APPL2: variants seen among roughly 807,000 people sequenced by gnomAD.
The protein encoded by APPL2 is adaptor protein, phosphotyrosine interacting with PH domain and leucine zipper 2, also known as DCC-interacting protein 13-beta.
APPL2 carries 84 observed loss-of-function variants against 92.7 expected under a neutral mutation model. The observed-to-expected ratio is 0.91, with a 90% confidence interval of 0.76 to 1.09. APPL2 has a LOEUF of 1.09. Among genes scored for constraint, APPL2 ranks in the 50% least tolerant of loss-of-function variants. The pLI, the probability that APPL2 is intolerant of heterozygous loss-of-function variation, is 0.00. For missense variants in APPL2, 736 were observed against 824.5 expected (o/e 0.89, Z 1.31); for synonymous variants, 291 against 291.0 (o/e 1.00, Z 0.00).
rs188959783 is a variant in APPL2, at chr12:105,182,268, A to G, written c.1635-5006T>C. ...GGTCTCAAACTCCTGACCTCAGGTGATCCACCTGCCTTGGCCTCCCAAAGT... is the reference window on the plus strand; with the variant it reads ...GGTCTCAAACTCCTGACCTCAGGTGGTCCACCTGCCTTGGCCTCCCAAAGT... On this transcript the variant is annotated intron_variant, in intron 17 of 20. Coordinates refer to ENST00000258530, the MANE Select transcript of APPL2 (RefSeq NM_018171.5). Among the ~76,000 whole-genome samples the G allele has an allele frequency of 5.2e-3, 799 of 152,312 alleles. 4 individuals are homozygous for G. The highest frequency in any genetic ancestry group is 0.018 in the African/African-American group (738 of 41,568).
chr12:105,190,217 T>C (rs1395641359), intron 14 of APPL2, 62 bp from the exon 15 acceptor site: 3 of 1,536,352 alleles, frequency 2.0e-6, no homozygotes, highest in Non-Finnish European at 2.6e-6. Flanking sequence ...GAATACTTGT[T>C]GAAGGCTGAG....
rs1230434942 is a variant in APPL2 at position 105,189,769 on chromosome 12, T to C, written c.1459+3A>G. 6.2e-7 allele frequency: 1 copy of C among 1,614,068 alleles called. No individual in the cohort carries two copies. ...GAATAAGGACACCAAACTAGTCACT[T>C]ACCTTCTGCTTCTGGAAATGATTCA... is the stretch of plus-strand genomic sequence containing the variant. On this transcript the variant is annotated splice_donor_region_variant and intron_variant, in intron 16 of 20. Coordinates refer to ENST00000258530, the MANE Select transcript of APPL2 (RefSeq NM_018171.5).
intron 17 of APPL2, among the ~76,000 whole-genome samples, chr12:105,177,949 C>T (rs1204472779): frequency 6.6e-6 from 1 of 152,082 alleles, no homozygotes; most frequent in African/African-American, 2.4e-5. Flanking sequence ...AGCCAAAATG[C>T]CTGGCTAATT....
intron 8 of APPL2, among the ~76,000 whole-genome samples, chr12:105,204,522 C>T (rs1341363901): frequency 6.6e-6 from 1 of 152,176 alleles, no homozygotes; most frequent in African/African-American, 2.4e-5. Context: ...GTCATCCTAA[C>T]ACAGGTGATA....
chr12:105,173,685 A>C lies in APPL2; in HGVS notation c.*629T>G, dbSNP rs1033935513. 1 of 152,604 alleles carries C rather than the reference A, an allele frequency of 6.6e-6. No individual in the cohort carries two copies. The allele number at this position is 152,604 out of a possible 1,614,324, so 9.5% of individuals were successfully genotyped here. A position where few individuals can be genotyped will look rare whatever the true frequency, so the allele number is the denominator to read the frequency against. ...TCAGTAAGGCTCCACTGTAAAATCA[A>C]ACATCTTTTGTGGTATTCATTTTTT... On this transcript the variant is annotated 3_prime_UTR_variant, in exon 21 of 21. Coordinates refer to ENST00000258530, the MANE Select transcript of APPL2 (RefSeq NM_018171.5).
At chr12:105,230,083 T>C (rs1890812404) in intron 1 of APPL2, among the ~76,000 whole-genome samples, 1 of 152,132 alleles carries the variant, frequency 6.6e-6, no homozygotes, top group Non-Finnish European at 1.5e-5. Flanking sequence ...CCTGGCCTGC[T>C]TGTTTTTAAT....
At position 105,218,969 on chromosome 12, in the gene APPL2, C is replaced by T. The variant is rs1889902888; in HGVS notation, c.154-1244G>A. 2.6e-5 allele frequency among the ~76,000 whole-genome samples: 4 copies of T among 152,218 alleles called. No homozygotes were observed. In the South Asian group the frequency reaches 8.3e-4, roughly 32 times the overall value. On this transcript the variant is annotated intron_variant, in intron 2 of 20. Transcript: ENST00000258530. ...ACAGCGGTTTTCTACCACTATCCTC[C>T]TACCACTGATGTGGGCAGCCTAGAA...
Position 105,195,262 on chromosome 12 carries a change from T to C in APPL2, c.1240A>G (p.Ser414Gly). The stretch of plus-strand genomic sequence containing the variant: ...AGTTTTTCTTTGTCCTTTAGTTACC[T>C]GGGGCATGAGCTTTCTTGTTTTTTT... ...FGKKQESSCP[S>G]QNLKNSEMEN... The change falls in exon 14 of 21, where the codon AGC becomes GGC. Residue 414 changes from serine (S) to glycine (G), a missense_variant and splice_region_variant. Transcript: ENST00000258530. 1.9e-6 allele frequency: 3 copies of C among 1,614,172 alleles called. No homozygotes were observed. Among genetic ancestry groups the C allele is most frequent in the Non-Finnish European group, 1.7e-6 (2 of 1,179,972 alleles).
At position 105,203,687 on chromosome 12, in the gene APPL2, C is replaced by T. The variant is rs565966535; in HGVS notation, c.704+16G>A. On this transcript the variant is annotated intron_variant, in intron 9 of 20. Coordinates refer to ENST00000258530, the MANE Select transcript of APPL2 (RefSeq NM_018171.5). ...AGGCAAGGGGCACACAAGACCCGGCCGGAGTGCAGCATTACCTTTGAACCA... is the reference window on the plus strand; with the variant it reads ...AGGCAAGGGGCACACAAGACCCGGCTGGAGTGCAGCATTACCTTTGAACCA... 2.1e-5 allele frequency: 34 copies of T among 1,613,348 alleles called. No homozygotes were observed. Among genetic ancestry groups the T allele is most frequent in the South Asian group, 1.2e-4 (11 of 91,048 alleles).
intron 2 of APPL2, among the ~76,000 whole-genome samples, chr12:105,223,214 C>A (rs1017082035): frequency 7.9e-5 from 12 of 152,164 alleles, no homozygotes; most frequent in African/African-American, 2.9e-4. Flanking sequence ...TTCCTGACGA[C>A]AGGAACTGCA....
intron 16 of APPL2, among the ~76,000 whole-genome samples, 182 bp downstream of exon 16, chr12:105,189,590 T>C (rs1198944405): frequency 6.6e-6 from 1 of 152,220 alleles, no homozygotes; most frequent in Non-Finnish European, 1.5e-5. Context: ...GTCTTTCAGC[T>C]ACCCCTCAGT....
At chr12:105,204,282 C>T (rs1469083123) in intron 8 of APPL2, among the ~76,000 whole-genome samples, 2 of 152,130 alleles carry the variant, frequency 1.3e-5, no homozygotes, top group Non-Finnish European at 2.9e-5. Flanking sequence ...AGAGAGAAAA[C>T]GTTCCGTGTG....
chr12:105,227,449 G>T (rs1890599756), intron 2 of APPL2, among the ~76,000 whole-genome samples: 2 of 152,272 alleles, frequency 1.3e-5, no homozygotes, highest in South Asian at 4.1e-4. Flanking sequence ...GAGAATTACA[G>T]TTGGGCATCC....
intron 17 of APPL2, among the ~76,000 whole-genome samples, chr12:105,178,909 TA>T (rs1314764583): frequency 6.6e-6 from 1 of 152,262 alleles, no homozygotes; most frequent in Non-Finnish European, 1.5e-5. Context: ...AATTCCCTTA[TA>T]AGTGAAAACT....
intron 2 of APPL2, 34 bp downstream of exon 2, chr12:105,229,091 C>G: frequency 6.4e-7 from 1 of 1,573,734 alleles, no homozygotes; most frequent in Non-Finnish European, 8.7e-7. Flanking sequence ...AGAATGCCCA[C>G]TCTGCGGTAT....
intron 1 of APPL2, among the ~76,000 whole-genome samples, chr12:105,235,534 A>C (rs956169698): frequency 1.8e-4 from 28 of 152,190 alleles, no homozygotes; most frequent in Admixed American, 7.9e-4. Context: ...TCTGCTGACA[A>C]CTTTACAGGT....
Position 105,199,405 on chromosome 12 carries a change from G to A in APPL2, c.831C>T (p.Leu277=). The A allele has an allele frequency of 6.2e-7, 1 of 1,613,798 alleles. No homozygotes were observed. Among genetic ancestry groups the A allele is most frequent in the Admixed American group, 1.7e-5 (1 of 59,988 alleles). ...DVAAPQINRN[L]IQKAGYLNLR... ...GATTAAGGTAACCAGCCTTCTGGATGAGGTTCCTGTTGATCTGTGGTGCGG... is the reference window on the plus strand; with the variant it reads ...GATTAAGGTAACCAGCCTTCTGGATAAGGTTCCTGTTGATCTGTGGTGCGG... Residue 277 remains leucine, a synonymous_variant, in exon 10 of 21, where the codon CTC becomes CTT. Coordinates refer to ENST00000258530, the MANE Select transcript of APPL2 (RefSeq NM_018171.5).
At chr12:105,229,285 G>T in intron 1 of APPL2, 62 bp from the exon 2 acceptor site, 2 of 1,460,640 alleles carry the variant, frequency 1.4e-6, no homozygotes, top group South Asian at 1.2e-5. Context: ...CAGAGGAGGA[G>T]GAAGATCCAC....
At chr12:105,192,661 G>A (rs969013308) in intron 14 of APPL2, among the ~76,000 whole-genome samples, 2 of 152,088 alleles carry the variant, frequency 1.3e-5, no homozygotes, top group East Asian at 3.9e-4. Context: ...TTCACAGCCA[G>A]GCCCTGCACA....
Sources: allele counts gnomAD v4.1 joint callset (sites outside exome capture counted in the v4.1 genomes callset), GRCh38; gene constraint gnomAD v4.1.1; transcripts MANE v1.5; gene names NCBI Gene and HGNC (gene_info 2026-07-23, HGNC 2026-07-21).